CD1A: variants seen among roughly 807,000 people sequenced by gnomAD.
The protein encoded by CD1A is CD1a molecule.
Under a neutral mutation model 38.3 loss-of-function variants are expected in CD1A, and 50 were observed. That is an observed-to-expected ratio of 1.30 (90% CI 1.04 to 1.65). CD1A has a LOEUF of 1.65. Ranked by LOEUF, CD1A falls within the 40% of genes most tolerant of loss-of-function variation. The probability of loss-of-function intolerance (pLI) is 0.00; values close to 1 mark genes in which losing one functional copy is unlikely to be tolerated. For missense variants in CD1A, 459 were observed against 406.1 expected (o/e 1.13, Z -1.12); for synonymous variants, 160 against 150.8 (o/e 1.06, Z -0.45).
In CD1A at chr1:158,254,549, G is replaced by T; in HGVS notation, c.-121G>T. 1 of 1,562,912 alleles carries T rather than the reference G, an allele frequency of 6.4e-7. No individual in the cohort carries two copies. Among genetic ancestry groups the T allele is most frequent in the South Asian group, 1.2e-5 (1 of 84,056 alleles). On this transcript the variant is annotated 5_prime_UTR_variant, in exon 1 of 6. Coordinates refer to ENST00000289429, the MANE Select transcript of CD1A (RefSeq NM_001763.3). Reference sequence around the variant, plus strand: ...AGTGGATTTTCTTTGTTGCAGTCAGGGGAGGTTTGTCTGTTGGCTGCAGAA... The same window carrying T: ...AGTGGATTTTCTTTGTTGCAGTCAGTGGAGGTTTGTCTGTTGGCTGCAGAA...
Position 158,256,097 on chromosome 1 carries a change from T to C in CD1A, c.419T>C (p.Phe140Ser), listed in dbSNP as rs763791970. The C allele has an allele frequency of 3.1e-6, 5 of 1,614,162 alleles. No homozygotes were observed. The East Asian group carries it at 8.9e-5, about 29-fold the overall frequency. ...FLQLAYQGSD[F>S]VSFQNNSWLP... Reference sequence around the variant, plus strand: ...CAGTTAGCTTATCAAGGATCAGACTTTGTGAGCTTCCAGAACAATTCATGG... The same window carrying C: ...CAGTTAGCTTATCAAGGATCAGACTCTGTGAGCTTCCAGAACAATTCATGG... Residue 140 changes from phenylalanine (F) to serine (S), a missense_variant, in exon 3 of 6, where the codon TTT becomes TCT. Transcript: ENST00000289429.
upstream of CD1A, among the ~76,000 whole-genome samples, chr1:158,253,422 G>GATCTTTTATGTAA (rs1311654897): frequency 5.4e-4 from 82 of 152,206 alleles, 1 homozygote; most frequent in African/African-American, 1.8e-3. Flanking sequence ...TTTATAGCAG[G>GATCTTTTATGTAA]ATCTTTTATG....
chr1:158,251,318 C>T (rs1650081301), upstream of CD1A, among the ~76,000 whole-genome samples: 2 of 152,160 alleles, frequency 1.3e-5, no homozygotes. Flanking sequence ...TAAATGCACA[C>T]AGTTGAAACC....
rs1385149860 is a variant in CD1A at position 158,255,098 on chromosome 1, C to T, written c.73C>T (p.Leu25Phe). The change falls in exon 2 of 6, where the codon CTC becomes TTC. Residue 25 changes from leucine (L) to phenylalanine (F), a missense_variant. Transcript: ENST00000289429. ...TTTTGTCGCAGGGCTCAAGGAGCCT[C>T]TCTCCTTCCATGTCACCTGGATCGC... Reference protein sequence around the residue: ...DGNADGLKEPLSFHVTWIASF... With the variant: ...DGNADGLKEPFSFHVTWIASF... 3 of 1,613,970 alleles carry T rather than the reference C, an allele frequency of 1.9e-6. No individual in the cohort carries two copies. Among genetic ancestry groups the T allele is most frequent in the Admixed American group, 3.3e-5 (2 of 60,020 alleles).
chr1:158,253,839 G>T (rs889403909), upstream of CD1A, among the ~76,000 whole-genome samples: 1 of 151,934 alleles, frequency 6.6e-6, no homozygotes, highest in Non-Finnish European at 1.5e-5. Flanking sequence ...ATATTTCATG[G>T]CGTGTTTTTC....
chr1:158,253,503 G>A (rs1208961488), upstream of CD1A, among the ~76,000 whole-genome samples: 1 of 152,088 alleles, frequency 6.6e-6, no homozygotes, highest in South Asian at 2.1e-4. Context: ...TCACTACATA[G>A]GGTTACAAGT....
In CD1A at chr1:158,255,869, A is replaced by G. The variant is rs989148049; in HGVS notation, c.326-135A>G. 17 of 778,546 alleles carry G rather than the reference A, an allele frequency of 2.2e-5. No individual in the cohort carries two copies. The Middle Eastern group carries it at 1.1e-3, about 48-fold the overall frequency. 48.2% of individuals were successfully genotyped at this position (778,546 alleles called of 1,614,324 possible). On this transcript the variant is annotated intron_variant, in intron 2 of 5. Transcript: ENST00000289429. ...GCTCCCACCAATTCCTCTTTCTCTG[A>G]ATCCCTGACCAAACCAAATTTTATT... is the stretch of plus-strand genomic sequence containing the variant.
chr1:158,257,488 T>TG lies in CD1A; in HGVS notation c.952dup (p.Ala318GlyfsTer26), dbSNP rs1650300766. ...TGCCTTTACTTCTTCTGATAGGTCT[T>TG]GCGCTTTGGTTCAGGAAACGCTGGT... On this transcript the variant is annotated frameshift_variant, in exon 5 of 6. Coordinates refer to ENST00000289429, the MANE Select transcript of CD1A (RefSeq NM_001763.3). LOFTEE classifies it low-confidence loss of function (END_TRUNC). The TG allele has an allele frequency of 6.2e-7, 1 of 1,614,118 alleles. No homozygotes were observed. The highest frequency in any genetic ancestry group is 1.3e-5 in the African/African-American group (1 of 75,048).
At position 158,256,173 on chromosome 1, in the gene CD1A, C is replaced by T. The variant is rs368609776; in HGVS notation, c.495C>T (p.Leu165=). The change falls in exon 3 of 6, where the codon CTC becomes CTT. Residue 165 remains leucine, a synonymous_variant. Coordinates refer to ENST00000289429, the MANE Select transcript of CD1A (RefSeq NM_001763.3). The part of the protein sequence containing the change: ...GNMAKHFCKV[L]NQNQHENDIT... Reference sequence around the variant, plus strand: ...TGGCCAAGCATTTCTGCAAAGTGCTCAATCAGAATCAGCATGAAAATGACA... The same window carrying T: ...TGGCCAAGCATTTCTGCAAAGTGCTTAATCAGAATCAGCATGAAAATGACA... 1 of 1,614,098 alleles carries T rather than the reference C, an allele frequency of 6.2e-7. No homozygotes were observed. Among genetic ancestry groups the T allele is most frequent in the African/African-American group, 1.3e-5 (1 of 75,036 alleles).
chr1:158,255,895 C>A (rs1371161016), intron 2 of CD1A, 109 bp from the exon 3 acceptor site: 13 of 1,115,730 alleles, frequency 1.2e-5, no homozygotes, highest in Non-Finnish European at 1.5e-5. Flanking sequence ...AAATTTTATT[C>A]CATTATGTCA....
At chr1:158,250,447 C>T (rs1020071498), upstream of CD1A, among the ~76,000 whole-genome samples, 3 of 152,192 alleles carry the variant, frequency 2.0e-5, no homozygotes, top group African/African-American at 7.2e-5. Context: ...GTTGCGTGCC[C>T]CATGAAGCAA....
upstream of CD1A, among the ~76,000 whole-genome samples, chr1:158,251,209 C>G (rs964734281): frequency 6.6e-6 from 1 of 152,222 alleles, no homozygotes; most frequent in East Asian, 1.9e-4. Context: ...ATCACATGTT[C>G]GTCTTCATTG....
At chr1:158,254,305 A>C, upstream of CD1A, 1 of 1,126,888 alleles carries the variant, frequency 8.9e-7, no homozygotes, top group Non-Finnish European at 1.1e-6. Context: ...GCACACTGGG[A>C]GCCATTTCAC....
rs932560114 is a variant in CD1A, at chr1:158,257,851, G to C, written c.*161G>C. The stretch of plus-strand genomic sequence containing the variant: ...GCTTGTTTCTGATTAATGATTGTTT[G>C]TCAATATAAGCTCAATTTAATTTTG... On this transcript the variant is annotated 3_prime_UTR_variant, in exon 6 of 6. Transcript: ENST00000289429. 99 of 656,212 alleles carry C rather than the reference G, an allele frequency of 1.5e-4. No homozygotes were observed. Among genetic ancestry groups the C allele is most frequent in the African/African-American group, 1.4e-3 (80 of 55,672 alleles). The allele number at this position is 656,212 out of a possible 1,614,324, so 40.6% of individuals were successfully genotyped here.
rs1650181640 is a variant in CD1A, at chr1:158,254,713, A to T, written c.44A>T (p.Asp15Val). 6.2e-7 allele frequency: 1 copy of T among 1,613,134 alleles called. No homozygotes were observed. ...CCATTGTTAGCTGTTCTCCCAGGTG[A>T]TGGCAATGCAGACGGTAAGAACTCT... ...LLPLLAVLPG[D>V]GNADGLKEPL... Residue 15 changes from aspartate to valine, a missense_variant, in exon 1 of 6, where the codon GAT becomes GTT. Transcript: ENST00000289429.
At chr1:158,252,961 G>A (rs1440386017), upstream of CD1A, among the ~76,000 whole-genome samples, 1 of 151,350 alleles carries the variant, frequency 6.6e-6, no homozygotes, top group Non-Finnish European at 1.5e-5. Context: ...GCCATGCCTG[G>A]TGGCTCATGC....
intron 2 of CD1A, 129 bp from the exon 3 acceptor site, chr1:158,255,875 T>C: frequency 1.1e-6 from 1 of 920,788 alleles, no homozygotes; most frequent in South Asian, 1.7e-5. Context: ...TCTGAATCCC[T>C]GACCAAACCA....
At chr1:158,255,390 G>A in intron 2 of CD1A, 40 bp downstream of exon 2, 2 of 1,594,500 alleles carry the variant, frequency 1.3e-6, no homozygotes, top group African/African-American at 1.3e-5. Flanking sequence ...TGAGGTGGGA[G>A]AGAGGGGTTG....
rs377400670 is a variant in CD1A, at chr1:158,255,217, C to A, written c.192C>A (p.Ile64=). 65 of 1,614,024 alleles carry A rather than the reference C, an allele frequency of 4.0e-5. No homozygotes were observed. Among genetic ancestry groups the A allele is most frequent in the Non-Finnish European group, 5.3e-5 (62 of 1,180,032 alleles). ...CCTGGGACAGCAATTCCAGCACCAT[C>A]GTTTTCCTGTGCCCCTGGTCCAGGG... ...THTWDSNSST[I]VFLCPWSRGN... Residue 64 remains isoleucine (I), a synonymous_variant, in exon 2 of 6, where the codon ATC becomes ATA. Transcript: ENST00000289429.
Sources: allele counts gnomAD v4.1 joint callset (sites outside exome capture counted in the v4.1 genomes callset), GRCh38; gene constraint gnomAD v4.1.1; transcripts MANE v1.5; gene names NCBI Gene and HGNC (gene_info 2026-07-23, HGNC 2026-07-21).